Variants in DLGAP1 observed in about 807,000 individuals in gnomAD.
The protein encoded by DLGAP1 is DLG associated protein 1.
Under a neutral mutation model 90.8 loss-of-function variants are expected in DLGAP1, and 11 were observed. The ratio of observed to expected loss-of-function variants is 0.12; its 90% CI spans 0.08 to 0.20. The LOEUF (loss-of-function observed/expected upper bound fraction) is 0.20. Among genes scored for constraint, DLGAP1 ranks in the 10% least tolerant of loss-of-function variants. The pLI is 1.00. For missense variants in DLGAP1, 1,050 were observed against 1,333.8 expected, an observed-to-expected ratio of 0.79 and a Z score of 3.31; for synonymous variants, 558 against 540.7, an observed-to-expected ratio of 1.03 and a Z score of -0.44.
intron 4 of DLGAP1, among the ~76,000 whole-genome samples, chr18:3,825,346 C>T (rs1487844022): frequency 6.6e-6 from 1 of 152,202 alleles, no homozygotes; most frequent in African/African-American, 2.4e-5. Flanking sequence ...CCTATGGTAT[C>T]TGTGGGGGAC....
At chr18:3,901,568 T>C (rs573564468) in intron 3 of DLGAP1, among the ~76,000 whole-genome samples, 1 of 152,138 alleles carries the variant, frequency 6.6e-6, no homozygotes, top group Non-Finnish European at 1.5e-5. Context: ...TGCTCACCTA[T>C]GTCAGCACAT....
chr18:4,057,004 T>TATACAC (rs1232653186), intron 2 of DLGAP1, among the ~76,000 whole-genome samples: 1 of 115,020 alleles, frequency 8.7e-6, no homozygotes, highest in East Asian at 2.8e-4. Flanking sequence ...TGACCATACA[T>TATACAC]ACACACACAC....
chr18:4,264,335 G>A (rs2079060891), intron 1 of DLGAP1, among the ~76,000 whole-genome samples: 1 of 152,152 alleles, frequency 6.6e-6, no homozygotes, highest in South Asian at 2.1e-4. Context: ...CTCCCACACT[G>A]AACTCACATT....
chr18:4,134,840 G>A (rs947136864), intron 2 of DLGAP1, among the ~76,000 whole-genome samples: 5 of 152,014 alleles, frequency 3.3e-5, no homozygotes, highest in African/African-American at 1.2e-4. Context: ...CTGAGAGCAT[G>A]TGCACCAACA....
rs73381282 is a variant in DLGAP1 at position 3,619,591 on chromosome 18, C to T, written c.1592-37343G>A. Among the ~76,000 whole-genome samples the T allele has an allele frequency of 6.5e-3, 997 of 152,252 alleles. 10 individuals are homozygous for T. Among genetic ancestry groups the T allele is most frequent in the African/African-American group, 0.023 (955 of 41,546 alleles). On this transcript the variant is annotated intron_variant, in intron 7 of 12. Transcript: ENST00000315677. ...CCTCTTCTAGCCGCCCTAGTCCTTC[C>T]TTCTCTCCTCTTCTTCCAGTCTCTT...
intron 2 of DLGAP1, among the ~76,000 whole-genome samples, chr18:4,090,007 T>C (rs1026407487): frequency 1.9e-4 from 29 of 152,146 alleles, no homozygotes; most frequent in Middle Eastern, 3.4e-3. Flanking sequence ...ATCGCGCCGC[T>C]GCACTCCAGC....
At chr18:4,112,738 T>G (rs1055657111) in intron 2 of DLGAP1, among the ~76,000 whole-genome samples, 6 of 152,108 alleles carry the variant, frequency 3.9e-5, no homozygotes, top group African/African-American at 1.4e-4. Flanking sequence ...AATAGTTACT[T>G]TTTCAGCTCT....
chr18:4,385,655 T>TAC (rs1241124759), intron 1 of DLGAP1, among the ~76,000 whole-genome samples: 5 of 152,142 alleles, frequency 3.3e-5, no homozygotes, highest in African/African-American at 1.2e-4. Flanking sequence ...CAGGCTGTTC[T>TAC]AGGAAAAGAA....
intron 7 of DLGAP1, among the ~76,000 whole-genome samples, chr18:3,600,955 T>G (rs71358020): frequency 0.49 from 43,871 of 88,726 alleles, 14,800 homozygotes; most frequent in Middle Eastern, 0.67. Flanking sequence ...TATATAGATA[T>G]ATATAGATAT....
chr18:4,399,461 C>T (rs966572278), intron 1 of DLGAP1, among the ~76,000 whole-genome samples: 2 of 152,110 alleles, frequency 1.3e-5, no homozygotes, highest in Non-Finnish European at 2.9e-5. Context: ...TGAAACTGAG[C>T]GTCAGAACGC....
chr18:3,998,909 T>C (rs1257375164), intron 3 of DLGAP1, among the ~76,000 whole-genome samples: 1 of 152,190 alleles, frequency 6.6e-6, no homozygotes, highest in Non-Finnish European at 1.5e-5. Flanking sequence ...CACTTGGGAA[T>C]AGTCCCTTTG....
chr18:3,598,108 T>G (rs1025285275), intron 7 of DLGAP1: 5 of 152,274 alleles, frequency 3.3e-5, no homozygotes, highest in Non-Finnish European at 5.9e-5. Flanking sequence ...CCCAGCACTT[T>G]GGGAGGCTGA....
intron 1 of DLGAP1, chr18:4,248,706 C>T (rs1444720593): frequency 2.0e-5 from 3 of 152,474 alleles, no homozygotes; most frequent in African/African-American, 7.2e-5. Context: ...ATCTCTCCCT[C>T]TCAGACTATT....
At chr18:4,068,493 A>G (rs563505943) in intron 2 of DLGAP1, among the ~76,000 whole-genome samples, 1 of 152,152 alleles carries the variant, frequency 6.6e-6, no homozygotes, top group South Asian at 2.1e-4. Flanking sequence ...GATATTTAAT[A>G]TACCAACAAT....
intron 2 of DLGAP1, among the ~76,000 whole-genome samples, chr18:4,139,123 T>A (rs2076453641): frequency 6.6e-6 from 1 of 151,948 alleles, no homozygotes; most frequent in Non-Finnish European, 1.5e-5. Flanking sequence ...TTGTTTCAAT[T>A]TATTTCTGCT....
At chr18:3,562,464 A>T (rs2054185796) in intron 9 of DLGAP1, among the ~76,000 whole-genome samples, 1 of 150,908 alleles carries the variant, frequency 6.6e-6, no homozygotes, top group African/African-American at 2.4e-5. Flanking sequence ...TGCTGTTCTC[A>T]TGATAACGAG....
chr18:3,768,043 C>T (rs913123754), intron 5 of DLGAP1, among the ~76,000 whole-genome samples: 1 of 151,938 alleles, frequency 6.6e-6, no homozygotes, highest in African/African-American at 2.4e-5. Context: ...GACATGATTG[C>T]CTACAAAGGA....
At chr18:3,569,055 T>C (rs2054611140) in intron 8 of DLGAP1, among the ~76,000 whole-genome samples, 1 of 151,532 alleles carries the variant, frequency 6.6e-6, no homozygotes, top group Admixed American at 6.6e-5. Flanking sequence ...CAGGCTAGAG[T>C]GCAGTGGCGC....
chr18:3,785,809 G>A (rs62083258), intron 5 of DLGAP1, among the ~76,000 whole-genome samples: 29,592 of 152,088 alleles, frequency 0.19, 2,982 homozygotes, highest in Admixed American at 0.23. Flanking sequence ...GAAAAGCTTC[G>A]CCCTATGCCT....
Sources: gnomAD v4.1 joint callset for allele counts (sites outside exome capture counted in the v4.1 genomes callset) on GRCh38, gnomAD v4.1.1 for gene constraint, MANE v1.5 for transcripts, NCBI Gene and HGNC (gene_info 2026-07-23, HGNC 2026-07-21) for gene names.